Variants in SZT2 observed in about 807,000 individuals in gnomAD.
The protein encoded by SZT2 is KICSTOR complex protein SZT2.
Under a neutral mutation model 404.2 loss-of-function variants are expected in SZT2, and 216 were observed. The ratio of observed to expected loss-of-function variants is 0.53; its 90% CI spans 0.48 to 0.60. The LOEUF is 0.60. Ranked by LOEUF, SZT2 falls within the 20% of genes least tolerant of loss-of-function variation. SZT2 has a pLI of 0.00. For synonymous variants in SZT2, 1,693 were observed against 1,749.9 expected, an observed-to-expected ratio of 0.97 and a Z score of 0.81; for missense variants, 3,857 against 4,459.2, an observed-to-expected ratio of 0.86 and a Z score of 3.85.
Position 43,427,582 on chromosome 1 carries a change from G to C in SZT2, c.3651G>C (p.Gln1217His). The change falls in exon 26 of 72, where the codon CAG becomes CAC. Residue 1217 changes from glutamine to histidine, a missense_variant. Transcript: ENST00000634258. ...ELSPPFRRDL[Q>H]AYAGRQASQT... The stretch of plus-strand genomic sequence containing the variant: ...GTCCACCATTCCGTCGAGACTTACA[G>C]GCTTACGCTGGGCGTCAGGCTTCCC... The C allele has an allele frequency of 6.2e-7, 1 of 1,614,244 alleles. No homozygotes were observed. The highest frequency in any genetic ancestry group is 8.5e-7 in the Non-Finnish European group (1 of 1,180,040).
intron 1 of SZT2, among the ~76,000 whole-genome samples, chr1:43,396,124 T>C (rs1245482095): frequency 6.6e-6 from 1 of 152,246 alleles, no homozygotes; most frequent in African/African-American, 2.4e-5. Flanking sequence ...TCTGAATCTG[T>C]GACCTCATTT....
Position 43,415,262 on chromosome 1 carries a change from T to G in SZT2, c.630+49T>G, listed in dbSNP as rs141711840. The G allele has an allele frequency of 7.1e-4, 1,125 of 1,591,404 alleles. 2 individuals carry two copies. In the African/African-American group the frequency reaches 0.014, roughly 20 times the overall value. On this transcript the variant is annotated intron_variant, in intron 5 of 71. Transcript: ENST00000634258. ...GAGGCAACTTAGAAAGAGGAGCAGC[T>G]AAGGACAGAGGGCAGAGAGGAGGGA...
At chr1:43,433,654 C>T (rs547668360) in intron 40 of SZT2, among the ~76,000 whole-genome samples, 3 of 152,192 alleles carry the variant, frequency 2.0e-5, no homozygotes, top group South Asian at 2.1e-4. Context: ...TGGTGGCAGG[C>T]GCCTGTAGTC....
At chr1:43,446,094 T>C in intron 63 of SZT2, 85 bp from the exon 64 acceptor site, 1 of 1,590,410 alleles carries the variant, frequency 6.3e-7, no homozygotes, top group Non-Finnish European at 8.6e-7. Flanking sequence ...ACTGACACCA[T>C]TAAAGTCAGG....
At position 43,398,300 on chromosome 1, in the gene SZT2, T is replaced by C. The variant is rs542325523; in HGVS notation, c.28-4877T>C. The stretch of plus-strand genomic sequence containing the variant: ...AGGTGGTGGTGGGGAGAAAAAACCA[T>C]AGCGAATTCACTTATTTAGAGAAAT... On this transcript the variant is annotated intron_variant, in intron 1 of 71. Transcript: ENST00000634258. Among the ~76,000 whole-genome samples, 3 of 152,278 alleles carry C rather than the reference T, an allele frequency of 2.0e-5. No homozygotes were observed. The East Asian group carries it at 5.8e-4, about 29-fold the overall frequency.
Position 43,425,621 on chromosome 1 carries a change from G to A in SZT2, c.2793G>A (p.Thr931=), listed in dbSNP as rs150658389. The A allele has an allele frequency of 2.5e-6, 4 of 1,613,942 alleles. No individual in the cohort carries two copies. Among genetic ancestry groups the A allele is most frequent in the South Asian group, 2.2e-5 (2 of 91,078 alleles). The change falls in exon 19 of 72, where the codon ACG becomes ACA. Residue 931 remains threonine, a synonymous_variant. Transcript: ENST00000634258. This position sits in a 1 kb window ranked among gnomAD's most constrained non-coding sequence, Gnocchi z 4.3. ...PGIWKHLQDL[T]YSEIPQALHP... ...TCTGGAAGCACCTCCAGGACCTGAC[G>A]TATTCTGAGATCCCGCAAGCTGTGA...
chr1:43,421,446 G>A, intron 11 of SZT2, 143 bp downstream of exon 11: 4 of 1,194,010 alleles, frequency 3.4e-6, no homozygotes, highest in Non-Finnish European at 4.6e-6. Context: ...AACCTTGAGA[G>A]CTTCTCTTCT....
At chr1:43,419,505 C>T (rs909748277) in intron 7 of SZT2, among the ~76,000 whole-genome samples, 3 of 152,190 alleles carry the variant, frequency 2.0e-5, no homozygotes, top group Admixed American at 6.5e-5. Flanking sequence ...CTTTAGGTAT[C>T]GAGGAGGAAG....
chr1:43,428,972 G>A, intron 28 of SZT2: 1 of 168,434 alleles, frequency 5.9e-6, no homozygotes, highest in Admixed American at 5.5e-5. Flanking sequence ...TCTGCAGTGT[G>A]TTAGCGTTGG....
rs2153937110 is a variant in SZT2, at chr1:43,448,947, A to C, written c.10086+219A>C. ...CCCTCAAAGACTCACCAAGAATACA[A>C]GCCTTGGCTTGAGATCCTGAGGGCC... On this transcript the variant is annotated intron_variant, in intron 70 of 71. Transcript: ENST00000634258. This position sits in a 1 kb window ranked among gnomAD's most constrained non-coding sequence, Gnocchi z 4.2. 5.5e-6 allele frequency: 3 copies of C among 548,012 alleles called. No individual in the cohort carries two copies. In the East Asian group the frequency reaches 9.3e-5, roughly 17 times the overall value. The allele number at this position is 548,012 out of a possible 1,614,324, so 33.9% of individuals were successfully genotyped here.
chr1:43,419,692 GC>G (rs1490500452), intron 7 of SZT2, 41 bp from the exon 8 acceptor site: 3 of 1,512,722 alleles, frequency 2.0e-6, no homozygotes, highest in East Asian at 4.6e-5. Context: ...CTTCTCCTAT[GC>G]CTCTGTCAGA....
chr1:43,406,317 C>A (rs1283146915), intron 4 of SZT2: 1 of 251,938 alleles, frequency 4.0e-6, no homozygotes, highest in African/African-American at 2.4e-5. Flanking sequence ...AGGCTGCCCT[C>A]GAACTTCTGA....
rs781352759 is a variant in SZT2, at chr1:43,441,456, T to C, written c.7512-48T>C. On this transcript the variant is annotated intron_variant, in intron 53 of 71. Transcript: ENST00000634258. This position sits in a 1 kb window ranked among gnomAD's most constrained non-coding sequence, Gnocchi z 4.8. ...AGATGGGCCTTGGTCTGTATAAACATACAAGTGTCATGTATGGACATGAGG... is the reference window on the plus strand; with the variant it reads ...AGATGGGCCTTGGTCTGTATAAACACACAAGTGTCATGTATGGACATGAGG... The C allele has an allele frequency of 1.6e-4, 255 of 1,610,262 alleles. No individual in the cohort carries two copies. Among genetic ancestry groups the C allele is most frequent in the Non-Finnish European group, 2.1e-4 (250 of 1,177,992 alleles).
At position 43,441,053 on chromosome 1, in the gene SZT2, A is replaced by T. The variant is rs1235526680; in HGVS notation, c.7345-161A>T. On this transcript the variant is annotated intron_variant, in intron 52 of 71. Coordinates refer to ENST00000634258, the MANE Select transcript of SZT2 (RefSeq NM_001365999.1). This position sits in a 1 kb window ranked among gnomAD's most constrained non-coding sequence, Gnocchi z 4.8. ...CAGTGAGGAAGGTGAGGCTCAGGAAAGTTAGGTAACCTGCCCAAGGCTCCT... is the reference window on the plus strand; with the variant it reads ...CAGTGAGGAAGGTGAGGCTCAGGAATGTTAGGTAACCTGCCCAAGGCTCCT... Among the ~76,000 whole-genome samples the T allele has an allele frequency of 1.3e-5, 2 of 152,202 alleles. No homozygotes were observed. The highest frequency in any genetic ancestry group is 2.9e-5 in the Non-Finnish European group (2 of 68,038).
Position 43,453,819 on chromosome 1 carries a change from G to T in SZT2, c.*3339G>T. ...GCCTGGGGAGGCCGGGCCGGGCGGA[G>T]TCCGCGGGATCCAAAGGCGGCGGGC... is the stretch of plus-strand genomic sequence containing the variant. On this transcript the variant is annotated 3_prime_UTR_variant, in exon 72 of 72. Coordinates refer to ENST00000634258, the MANE Select transcript of SZT2 (RefSeq NM_001365999.1). 3.2e-6 allele frequency: 4 copies of T among 1,241,334 alleles called. No homozygotes were observed. The highest frequency in any genetic ancestry group is 3.0e-6 in the Non-Finnish European group (3 of 995,258). The allele number at this position is 1,241,334 out of a possible 1,614,324, so 76.9% of individuals were successfully genotyped here. A position where few individuals can be genotyped will look rare whatever the true frequency, so the allele number is the denominator to read the frequency against.
chr1:43,443,634 A>G lies in SZT2; in HGVS notation c.8663A>G (p.Glu2888Gly), dbSNP rs1225856760. ...HRPESGSGSR[E>G]APTSCESLDV... ...CCTGAGTCAGGGTCTGGGAGCCGAG[A>G]GGCCCCCACAAGCTGTGAATCCTTG... Residue 2888 changes from glutamate to glycine, a missense_variant, in exon 62 of 72, where the codon GAG (glutamate) becomes GGG (glycine). By Grantham distance (98) the Glu-to-Gly change is moderately conservative. Coordinates refer to ENST00000634258, the MANE Select transcript of SZT2 (RefSeq NM_001365999.1). 3 of 1,614,152 alleles carry G rather than the reference A, an allele frequency of 1.9e-6. No individual in the cohort carries two copies. The highest frequency in any genetic ancestry group is 2.5e-6 in the Non-Finnish European group (3 of 1,180,036).
intron 1 of SZT2, among the ~76,000 whole-genome samples, chr1:43,399,683 G>A (rs893066468): frequency 2.0e-5 from 3 of 151,828 alleles, no homozygotes; most frequent in East Asian, 1.9e-4. Flanking sequence ...GGGTGGTCTC[G>A]ATCTCCTGAC....
In SZT2 at chr1:43,442,850, A is replaced by G. The variant is rs1357249282; in HGVS notation, c.8183A>G (p.Glu2728Gly). 6.2e-7 allele frequency: 1 copy of G among 1,610,978 alleles called. No individual in the cohort carries two copies. Reference sequence around the variant, plus strand: ...AACCCATTCCTGCTGCCGACCATGGAAGTGGAGACCCTCATCCGGAGTGCA... The same window carrying G: ...AACCCATTCCTGCTGCCGACCATGGGAGTGGAGACCCTCATCCGGAGTGCA... ...EPNPFLLPTM[E>G]VETLIRSASP... The change falls in exon 59 of 72, where the codon GAA becomes GGA. Residue 2728 changes from glutamate (E) to glycine (G), a missense_variant. Around this residue, in one of 7 missense-constraint regions of SZT2, gnomAD observed 573 missense variants for 592.4 expected, o/e 0.97. Coordinates refer to ENST00000634258, the MANE Select transcript of SZT2 (RefSeq NM_001365999.1). This position sits in a 1 kb window ranked among gnomAD's most constrained non-coding sequence, Gnocchi z 4.5.
At chr1:43,411,769 C>CTTTTTTTTTTTTT (rs386366817) in intron 4 of SZT2, among the ~76,000 whole-genome samples, 1 of 74,046 alleles carries the variant, frequency 1.4e-5, no homozygotes, top group African/African-American at 6.3e-5. Flanking sequence ...CATCCACTAT[C>CTTTTTTTTTTTTT]TTTTTTTTTT....
Sources: allele counts gnomAD v4.1 joint callset (sites outside exome capture counted in the v4.1 genomes callset), GRCh38; gene constraint gnomAD v4.1.1; regional missense constraint gnomAD v4.1.1; non-coding constraint Gnocchi (gnomAD v3.1); transcripts MANE v1.5; gene names NCBI Gene and HGNC (gene_info 2026-07-23, HGNC 2026-07-21).